The following ARNT variants were observed in gnomAD, a reference collection of about 807,000 sequenced individuals.
ARNT encodes aryl hydrocarbon receptor nuclear translocator, also known as class E basic helix-loop-helix protein 2.
ARNT carries 30 observed loss-of-function variants against 105.0 expected under a neutral mutation model. The observed-to-expected ratio is 0.29, with a 90% confidence interval of 0.21 to 0.39. The LOEUF (loss-of-function observed/expected upper bound fraction) is 0.39, where lower values mean the gene tolerates loss of function less well. ARNT is among the 10% of genes least tolerant of loss of function. The pLI, the probability that ARNT is intolerant of heterozygous loss-of-function variation, is 1.00. For missense variants in ARNT, 748 were observed against 978.7 expected, an observed-to-expected ratio of 0.76 and a Z score of 3.15; for synonymous variants, 304 against 344.0, an observed-to-expected ratio of 0.88 and a Z score of 1.29.
rs913860575 is a variant in ARNT, at chr1:150,809,734, T to C, written c.*2287A>G. On this transcript the variant is annotated 3_prime_UTR_variant, in exon 22 of 22. Transcript: ENST00000358595. ...ACAGTTTAAATTTCACTCATTTTAA[T>C]CCAGAAAAGGACATACTGGGGGAAG... is the stretch of plus-strand genomic sequence containing the variant. 3.0e-5 allele frequency: 6 copies of C among 202,114 alleles called. No individual in the cohort carries two copies. Among genetic ancestry groups the C allele is most frequent in the Non-Finnish European group, 6.1e-5 (6 of 98,624 alleles). 12.5% of individuals were successfully genotyped at this position (202,114 alleles called of 1,614,324 possible). A position where few individuals can be genotyped will look rare whatever the true frequency, so the allele number is the denominator to read the frequency against.
intron 1 of ARNT, among the ~76,000 whole-genome samples, chr1:150,871,957 T>C (rs1667532712): frequency 7.8e-6 from 1 of 127,454 alleles, no homozygotes; most frequent in South Asian, 2.7e-4. Flanking sequence ...AATAAAATAC[T>C]ATCTCTTTTT....
intron 21 of ARNT, among the ~76,000 whole-genome samples, chr1:150,812,957 A>G (rs1406647914): frequency 6.6e-6 from 1 of 152,082 alleles, no homozygotes; most frequent in African/African-American, 2.4e-5. Context: ...TCAGCCTTCT[A>G]AGGGGCTGAC....
chr1:150,817,782 C>T (rs1656218509), intron 15 of ARNT, 138 bp downstream of exon 15: 3 of 685,732 alleles, frequency 4.4e-6, no homozygotes, highest in Admixed American at 2.9e-5. Flanking sequence ...GTATTCCATC[C>T]AGCCTGAGCA....
At position 150,836,557 on chromosome 1, in the gene ARNT, A is replaced by G. The variant is rs35665093; in HGVS notation, c.487-64T>C. On this transcript the variant is annotated intron_variant, in intron 6 of 21. Transcript: ENST00000358595. ...TGAAAAAACAAGTATTTCTATTCAC[A>G]GGAAGAAGTAAGACACTTCAGGCCA... 9.4e-3 allele frequency: 14,181 copies of G among 1,504,190 alleles called. 95 individuals carry two copies. The highest frequency in any genetic ancestry group is 0.012 in the Non-Finnish European group (13,081 of 1,117,458). 93.2% of individuals were successfully genotyped at this position (1,504,190 alleles called of 1,614,324 possible). A position where few individuals can be genotyped will look rare whatever the true frequency, so the allele number is the denominator to read the frequency against.
chr1:150,827,260 G>T (rs1658482563), intron 12 of ARNT, among the ~76,000 whole-genome samples: 1 of 152,126 alleles, frequency 6.6e-6, no homozygotes, highest in Non-Finnish European at 1.5e-5. Context: ...GTTGTGCAAT[G>T]ATTACCACAA....
In ARNT at chr1:150,816,889, A is replaced by C; in HGVS notation, c.1701T>G (p.Asp567Glu). 1 of 1,606,542 alleles carries C rather than the reference A, an allele frequency of 6.2e-7. No individual in the cohort carries two copies. Among genetic ancestry groups the C allele is most frequent in the Non-Finnish European group, 8.5e-7 (1 of 1,178,258 alleles). The change falls in exon 18 of 22, where the codon GAT becomes GAG. Residue 567 changes from aspartate to glutamate, a missense_variant and splice_region_variant. Physicochemically the swap from Asp to Glu is conservative, Grantham distance 45 (BLOSUM62 2). This residue lies in a region of ARNT where 360 missense variants were observed against 411.9 expected (regional missense o/e 0.87). Coordinates refer to ENST00000358595, the MANE Select transcript of ARNT (RefSeq NM_001668.4). ...TGCTGGAGGAGATGCCTTTACTCTG[A>C]TCTGTGGACCAAAAGGAGTTGGGGA... The part of the protein sequence containing the change: ...FSEIYHNINA[D>E]QSKGISSSTV...
In ARNT at chr1:150,869,568, CAG is replaced by C. The variant is rs373341799; in HGVS notation, c.25+6973_25+6974del. Reference sequence around the variant, plus strand: ...CCTTTTTTTTTTTTTTTCCTAGAGACAGGGGCTCACTCTGTCAACCAGATTAG... The same window carrying C: ...CCTTTTTTTTTTTTTTTCCTAGAGACGGGCTCACTCTGTCAACCAGATTAG... On this transcript the variant is annotated intron_variant, in intron 1 of 21. Transcript: ENST00000358595. Among the ~76,000 whole-genome samples, 334 of 146,288 alleles carry C rather than the reference CAG, an allele frequency of 2.3e-3. 2 individuals carry two copies. Among genetic ancestry groups the C allele is most frequent in the African/African-American group, 7.9e-3 (311 of 39,404 alleles).
At chr1:150,852,552 T>A (rs1262466562) in intron 3 of ARNT, among the ~76,000 whole-genome samples, 1 of 152,004 alleles carries the variant, frequency 6.6e-6, no homozygotes, top group Non-Finnish European at 1.5e-5. Context: ...ATACAGAGGG[T>A]TTGTAAATGC....
intron 3 of ARNT, among the ~76,000 whole-genome samples, chr1:150,848,455 C>T (rs1204377600): frequency 1.4e-5 from 2 of 142,776 alleles, no homozygotes; most frequent in African/African-American, 2.6e-5. Flanking sequence ...AGACTCCTCT[C>T]AAAAAAAAAA....
intron 2 of ARNT, 47 bp downstream of exon 2, chr1:150,858,302 G>C: frequency 7.1e-7 from 1 of 1,410,744 alleles, no homozygotes; most frequent in Non-Finnish European, 9.8e-7. Flanking sequence ...AGCAACTAAA[G>C]TTGGTTTATA....
chr1:150,814,002 A>C, intron 20 of ARNT, 75 bp downstream of exon 20: 12 of 1,554,886 alleles, frequency 7.7e-6, no homozygotes, highest in Non-Finnish European at 9.6e-6. Flanking sequence ...AACACAGGCA[A>C]ACAACTTTAA....
At chr1:150,820,673 CAAAACAAAACAAAAA>C (rs1025814388) in intron 14 of ARNT, among the ~76,000 whole-genome samples, 2 of 151,750 alleles carry the variant, frequency 1.3e-5, no homozygotes, top group African/African-American at 4.8e-5. Flanking sequence ...CAAAACAAAA[CAAAACAAAACAAAAA>C]AACCTTACTC....
chr1:150,875,368 C>A (rs894116084), intron 1 of ARNT, among the ~76,000 whole-genome samples: 3 of 152,034 alleles, frequency 2.0e-5, no homozygotes, highest in African/African-American at 2.4e-5. Context: ...TTCAACTGTC[C>A]TATCAAAATC....
At chr1:150,838,899 T>C (rs1400423933) in intron 6 of ARNT, among the ~76,000 whole-genome samples, 1 of 152,212 alleles carries the variant, frequency 6.6e-6, no homozygotes, top group Non-Finnish European at 1.5e-5. Context: ...TTATTTTCTG[T>C]GATATCCTGC....
At chr1:150,818,237 G>A (rs587661893) in intron 14 of ARNT, 2 of 472,852 alleles carry the variant, frequency 4.2e-6, no homozygotes, top group Admixed American at 3.6e-5. Context: ...TATGACACAG[G>A]GGTCATCTTG....
chr1:150,830,891 T>C (rs1205763468), intron 10 of ARNT, among the ~76,000 whole-genome samples: 3 of 152,206 alleles, frequency 2.0e-5, no homozygotes, highest in African/African-American at 7.2e-5. Context: ...ATATAGTATA[T>C]AGACTAAGTA....
chr1:150,818,079 G>A, intron 14 of ARNT, 49 bp from the exon 15 acceptor site: 2 of 1,234,610 alleles, frequency 1.6e-6, no homozygotes, highest in Non-Finnish European at 2.3e-6. Flanking sequence ...GGGAGGAAGG[G>A]GGGAGAGAGA....
intron 13 of ARNT, among the ~76,000 whole-genome samples, chr1:150,825,873 A>G (rs1658130393): frequency 6.6e-6 from 1 of 151,300 alleles, no homozygotes; most frequent in South Asian, 2.1e-4. Flanking sequence ...ATATAAAATG[A>G]ATTTTTCTAC....
chr1:150,872,251 C>T (rs1019684722), intron 1 of ARNT, among the ~76,000 whole-genome samples: 1 of 152,130 alleles, frequency 6.6e-6, no homozygotes, highest in Non-Finnish European at 1.5e-5. Context: ...CCACACCTGG[C>T]CATAAAAGAA....
Sources: allele counts gnomAD v4.1 joint callset (sites outside exome capture counted in the v4.1 genomes callset), GRCh38; gene constraint gnomAD v4.1.1; regional missense constraint gnomAD v4.1.1; transcripts MANE v1.5; gene names NCBI Gene and HGNC (gene_info 2026-07-23, HGNC 2026-07-21).